STX8: variants seen among roughly 807,000 people sequenced by gnomAD.
STX8 encodes syntaxin-8.
In STX8, 23 loss-of-function variants were observed where a neutral mutation model predicts 37.5. The observed-to-expected ratio is 0.61, with a 90% CI of 0.44 to 0.87. The LOEUF is 0.87. Among genes scored for constraint, STX8 ranks in the 40% least tolerant of loss-of-function variants. The pLI is 0.00. For missense variants in STX8, 313 were observed against 284.7 expected (o/e 1.10, Z -0.71); for synonymous variants, 115 against 99.1 (o/e 1.16, Z -0.95).
intron 7 of STX8, among the ~76,000 whole-genome samples, chr17:9,355,943 G>A (rs1251368979): frequency 6.6e-6 from 1 of 152,138 alleles, no homozygotes; most frequent in African/African-American, 2.4e-5. Context: ...AAAGCCACCA[G>A]GCCCAGCCCA....
At chr17:9,390,937 C>A (rs1389139307) in intron 6 of STX8, among the ~76,000 whole-genome samples, 1 of 151,892 alleles carries the variant, frequency 6.6e-6, no homozygotes, top group African/African-American at 2.4e-5. Flanking sequence ...GCTGGAGCAC[C>A]CCCTCAAAAA....
At chr17:9,330,798 G>A (rs1009984535) in intron 7 of STX8, among the ~76,000 whole-genome samples, 3 of 152,322 alleles carry the variant, frequency 2.0e-5, no homozygotes, top group South Asian at 2.1e-4. Flanking sequence ...CAGCTTGCGC[G>A]TAATGGGCCC....
intron 7 of STX8, among the ~76,000 whole-genome samples, chr17:9,370,586 C>T (rs1177383336): frequency 1.3e-5 from 2 of 152,164 alleles, no homozygotes; most frequent in South Asian, 2.1e-4. Flanking sequence ...GCAATGTCAG[C>T]TGGGTTGATT....
At chr17:9,526,547 CTTAAAAATT>C (rs1211896810) in intron 4 of STX8, among the ~76,000 whole-genome samples, 1 of 151,542 alleles carries the variant, frequency 6.6e-6, no homozygotes, top group East Asian at 1.9e-4. Flanking sequence ...TTTTTAATTT[CTTAAAAATT>C]TTTACTTAAA....
chr17:9,542,456 T>C (rs1906315701), intron 4 of STX8, among the ~76,000 whole-genome samples: 1 of 152,028 alleles, frequency 6.6e-6, no homozygotes, highest in Admixed American at 6.6e-5. Context: ...GGCAGGCAGA[T>C]CACGAGGTCA....
At chr17:9,389,914 G>A (rs1650355761) in intron 6 of STX8, among the ~76,000 whole-genome samples, 1 of 152,070 alleles carries the variant, frequency 6.6e-6, no homozygotes, top group South Asian at 2.1e-4. Context: ...CGTACACTAG[G>A]AAAAGATACA....
Position 9,390,833 on chromosome 17 carries a change from T to A in STX8, c.542-12180A>T, listed in dbSNP as rs1218692145. ...GCCTGGGCGACAGAGCGAGACTCCGTCTCAAAAAAAAAAAAAAAAAAAGAA... is the reference window on the plus strand; with the variant it reads ...GCCTGGGCGACAGAGCGAGACTCCGACTCAAAAAAAAAAAAAAAAAAAGAA... On this transcript the variant is annotated intron_variant, in intron 6 of 7. Coordinates refer to ENST00000306357, the MANE Select transcript of STX8 (RefSeq NM_004853.3). 1.2e-4 allele frequency among the ~76,000 whole-genome samples: 10 copies of A among 86,168 alleles called. No individual in the cohort carries two copies. In the South Asian group the frequency reaches 4.1e-3, roughly 36 times the overall value. The allele number at this position is 86,168 out of a possible 152,430, so 56.5% of individuals were successfully genotyped here. A position where few individuals can be genotyped will look rare whatever the true frequency, so the allele number is the denominator to read the frequency against.
intron 6 of STX8, among the ~76,000 whole-genome samples, chr17:9,460,368 C>A (rs777814658): frequency 1.8e-4 from 28 of 152,124 alleles, no homozygotes; most frequent in Admixed American, 4.6e-4. Context: ...TTTTGAATAT[C>A]TTTTTAAAAA....
intron 7 of STX8, among the ~76,000 whole-genome samples, chr17:9,363,430 T>C (rs1219640310): frequency 6.6e-6 from 1 of 152,074 alleles, no homozygotes; most frequent in East Asian, 1.9e-4. Flanking sequence ...TCAGCAGGTA[T>C]TGGGATTCTA....
chr17:9,428,235 CTTTTGTTTTG>C lies in STX8; in HGVS notation c.542-49592_542-49583del, dbSNP rs372149421. Among the ~76,000 whole-genome samples the C allele has an allele frequency of 5.0e-3, 766 of 152,094 alleles. 7 individuals are homozygous for C. Among genetic ancestry groups the C allele is most frequent in the African/African-American group, 0.018 (733 of 41,516 alleles). ...TATTCTACTTAGTCACCAGAAATGA[CTTTTGTTTTG>C]TTTTGTTTTGTTTTGAGATGGAGTC... On this transcript the variant is annotated intron_variant, in intron 6 of 7. Transcript: ENST00000306357.
At chr17:9,546,591 GT>G (rs386385626) in intron 3 of STX8, among the ~76,000 whole-genome samples, 534 of 52,202 alleles carry the variant, frequency 0.01, no homozygotes, top group African/African-American at 0.041. Context: ...TACAAAAGTG[GT>G]TTTTTTTTTT....
In STX8 at chr17:9,364,094, C is replaced by T. The variant is rs188115982; in HGVS notation, c.643+14458G>A. ...CAACATTGATGTGGTCACATATAAA[C>T]GATATTCTGACCACAAACACTTAAC... On this transcript the variant is annotated intron_variant, in intron 7 of 7. Coordinates refer to ENST00000306357, the MANE Select transcript of STX8 (RefSeq NM_004853.3). Among the ~76,000 whole-genome samples the T allele has an allele frequency of 1.2e-4, 19 of 152,166 alleles. No homozygotes were observed. The East Asian group carries it at 1.3e-3, about 11-fold the overall frequency.
chr17:9,378,772 C>A, intron 6 of STX8, 119 bp from the exon 7 acceptor site: 2 of 736,102 alleles, frequency 2.7e-6, no homozygotes, highest in Non-Finnish European at 4.8e-6. Flanking sequence ...TGAAAAGGTA[C>A]AGAACTCATG....
At chr17:9,327,193 G>A (rs567354042) in intron 7 of STX8, among the ~76,000 whole-genome samples, 6 of 142,616 alleles carry the variant, frequency 4.2e-5, no homozygotes, top group Admixed American at 2.1e-4. Context: ...GGAAGAAGAA[G>A]GAAGAAGGAA....
Position 9,295,922 on chromosome 17 carries a change from G to A in STX8, c.644-45277C>T, listed in dbSNP as rs181546494. 9.9e-5 allele frequency among the ~76,000 whole-genome samples: 15 copies of A among 150,774 alleles called. No individual in the cohort carries two copies. In the East Asian group the frequency reaches 2.9e-3, roughly 29 times the overall value. ...TTAGCCAGGTGTGGCCAGGCGCAGT[G>A]GCTCATGCCTGTAATCCCAGCACTT... On this transcript the variant is annotated intron_variant, in intron 7 of 7. Coordinates refer to ENST00000306357, the MANE Select transcript of STX8 (RefSeq NM_004853.3).
intron 6 of STX8, among the ~76,000 whole-genome samples, chr17:9,453,760 T>C (rs902270629): frequency 2.6e-5 from 4 of 152,188 alleles, no homozygotes; most frequent in Non-Finnish European, 4.4e-5. Flanking sequence ...CTAAAAGTGC[T>C]GGGATTACAG....
intron 2 of STX8, among the ~76,000 whole-genome samples, chr17:9,560,635 GAA>G (rs1907194510): frequency 6.6e-6 from 1 of 151,944 alleles, no homozygotes; most frequent in African/African-American, 2.4e-5. Flanking sequence ...TCAATATTGT[GAA>G]AATGTAAGTT....
At chr17:9,533,933 T>C (rs994780417) in intron 4 of STX8, among the ~76,000 whole-genome samples, 13 of 152,146 alleles carry the variant, frequency 8.5e-5, no homozygotes, top group Admixed American at 2.0e-4. Flanking sequence ...CCTCCTGAAC[T>C]AACCTAGTCA....
At chr17:9,491,796 G>A (rs761652275) in intron 6 of STX8, 33 bp downstream of exon 6, 18 of 1,556,980 alleles carry the variant, frequency 1.2e-5, no homozygotes, top group Middle Eastern at 1.7e-4. Context: ...TTATGTCAAC[G>A]GCAAATCTGG....
Sources: gnomAD v4.1 joint callset for allele counts (sites outside exome capture counted in the v4.1 genomes callset) on GRCh38, gnomAD v4.1.1 for gene constraint, MANE v1.5 for transcripts, NCBI Gene and HGNC (gene_info 2026-07-23, HGNC 2026-07-21) for gene names.